The following CNTN3 variants were observed in gnomAD, a reference collection of about 807,000 sequenced individuals.
CNTN3 encodes the protein contactin 3.
CNTN3 carries 60 observed loss-of-function variants against 119.1 expected under a neutral mutation model. The ratio of observed to expected loss-of-function variants is 0.50; its 90% CI spans 0.41 to 0.62. The LOEUF (loss-of-function observed/expected upper bound fraction) is 0.62, where lower values mean the gene tolerates loss of function less well. Among genes scored for constraint, CNTN3 ranks in the 20% least tolerant of loss-of-function variants. The probability of loss-of-function intolerance (pLI) is 0.00; values close to 1 mark genes in which losing one functional copy is unlikely to be tolerated. For missense variants in CNTN3, 1,101 were observed against 1,242.4 expected (o/e 0.89, Z 1.71); for synonymous variants, 450 against 438.7 (o/e 1.03, Z -0.32).
chr3:74,361,935 A>T lies in CNTN3; in HGVS notation c.1319T>A (p.Leu440His), dbSNP rs1369636260. 1.2e-6 allele frequency: 2 copies of T among 1,613,596 alleles called. No homozygotes were observed. The highest frequency in any genetic ancestry group is 2.7e-5 in the African/African-American group (2 of 74,898). ...CACATCCCCCTTCTTCCAGGAAGAG[A>T]GTGCCCTTGGGGAGGCTCTGGGTTT... ...DCKPRASPRALSSWKKGDVSV... is the reference protein window; with the variant it reads ...DCKPRASPRAHSSWKKGDVSV... The change falls in exon 11 of 23, where the codon CTC becomes CAC. Residue 440 changes from leucine (L) to histidine (H), a missense_variant. Transcript: ENST00000263665.
chr3:74,600,344 T>TA (rs1704889521), intron 1 of CNTN3, among the ~76,000 whole-genome samples: 1 of 152,022 alleles, frequency 6.6e-6, no homozygotes. Context: ...TCACAATCAC[T>TA]ACGGAGGAAA....
At position 74,361,834 on chromosome 3, in the gene CNTN3, A is replaced by G. The variant is rs537034528; in HGVS notation, c.1364+56T>C. The stretch of plus-strand genomic sequence containing the variant: ...TTTCATATTTAAAACCTATGTTGAC[A>G]TCAGTATGGAAAGTGAGAGGAAAGT... On this transcript the variant is annotated intron_variant, in intron 11 of 22. Coordinates refer to ENST00000263665, the MANE Select transcript of CNTN3 (RefSeq NM_020872.3). 383 of 1,522,872 alleles carry G rather than the reference A, an allele frequency of 2.5e-4. 2 individuals are homozygous for G. The South Asian group carries it at 3.3e-3, about 13-fold the overall frequency. The allele number at this position is 1,522,872 out of a possible 1,614,324, so 94.3% of individuals were successfully genotyped here.
intron 1 of CNTN3, among the ~76,000 whole-genome samples, chr3:74,591,637 C>A (rs527910914): frequency 6.6e-6 from 1 of 151,766 alleles, no homozygotes; most frequent in African/African-American, 2.4e-5. Flanking sequence ...AAGACTCCAT[C>A]GAGATAAGTG....
intron 4 of CNTN3, among the ~76,000 whole-genome samples, chr3:74,468,299 C>T (rs7430007): frequency 0.55 from 83,584 of 152,004 alleles, 23,329 homozygotes; most frequent in African/African-American, 0.57. Context: ...AGTCTAGATG[C>T]TTCTTACGGC....
chr3:74,519,690 A>G lies in CNTN3; in HGVS notation c.55+1368T>C, dbSNP rs144579062. 5.5e-4 allele frequency among the ~76,000 whole-genome samples: 84 copies of G among 151,884 alleles called. 3 individuals carry two copies. The highest frequency in any genetic ancestry group is 6.8e-3 in the Middle Eastern group (2 of 294). ...ATTTGAAACTTTATAAATGAAGAAA[A>G]GACTCCAAGAATAAAATATTTTACC... On this transcript the variant is annotated intron_variant, in intron 2 of 22. Coordinates refer to ENST00000263665, the MANE Select transcript of CNTN3 (RefSeq NM_020872.3).
intron 20 of CNTN3, among the ~76,000 whole-genome samples, chr3:74,280,205 C>T (rs1441660849): frequency 6.6e-6 from 1 of 152,096 alleles, no homozygotes; most frequent in Non-Finnish European, 1.5e-5. Flanking sequence ...AGCATACCTA[C>T]TTGATTTCCT....
At chr3:74,421,293 C>T (rs929061762) in intron 5 of CNTN3, among the ~76,000 whole-genome samples, 9 of 152,002 alleles carry the variant, frequency 5.9e-5, no homozygotes, top group Admixed American at 2.6e-4. Context: ...CTCAGCCTCC[C>T]GAGTAGCTGG....
intron 8 of CNTN3, among the ~76,000 whole-genome samples, chr3:74,366,175 A>G (rs1704180430): frequency 6.6e-6 from 1 of 152,106 alleles, no homozygotes; most frequent in Non-Finnish European, 1.5e-5. Context: ...AGGAAAAAAT[A>G]TTTTCCACAA....
At chr3:74,449,775 A>C (rs534155921) in intron 4 of CNTN3, among the ~76,000 whole-genome samples, 1 of 152,244 alleles carries the variant, frequency 6.6e-6, no homozygotes, top group African/African-American at 2.4e-5. Context: ...TTTCTATCAA[A>C]TACTCAGAAT....
intron 4 of CNTN3, among the ~76,000 whole-genome samples, chr3:74,448,899 C>T (rs1368986275): frequency 1.3e-5 from 2 of 152,024 alleles, no homozygotes; most frequent in African/African-American, 2.4e-5. Flanking sequence ...AAAAAGTTTG[C>T]CTCTTCTGAT....
intron 20 of CNTN3, among the ~76,000 whole-genome samples, chr3:74,272,174 A>G (rs60095404): frequency 0.052 from 7,894 of 152,272 alleles, 658 homozygotes; most frequent in African/African-American, 0.18. Context: ...ACGATAGCTG[A>G]TGAGCTTTAA....
intron 4 of CNTN3, among the ~76,000 whole-genome samples, chr3:74,444,295 G>A (rs1423559896): frequency 6.6e-6 from 1 of 151,548 alleles, no homozygotes; most frequent in Non-Finnish European, 1.5e-5. Context: ...GGGGGTTGGG[G>A]GCACAATTCA....
intron 5 of CNTN3, among the ~76,000 whole-genome samples, chr3:74,374,376 A>G (rs992465091): frequency 5.5e-4 from 83 of 151,956 alleles, no homozygotes; most frequent in African/African-American, 1.4e-3. Context: ...GGGAATCTCA[A>G]CATGGGGTTT....
At chr3:74,564,296 T>C (rs1559659862) in intron 1 of CNTN3, among the ~76,000 whole-genome samples, 1 of 151,528 alleles carries the variant, frequency 6.6e-6, no homozygotes, top group Non-Finnish European at 1.5e-5. Context: ...GTGGAGGAGG[T>C]TTGGACCAAG....
At chr3:74,358,005 T>A (rs762278559) in intron 11 of CNTN3, among the ~76,000 whole-genome samples, 6 of 152,204 alleles carry the variant, frequency 3.9e-5, no homozygotes, top group Non-Finnish European at 5.9e-5. Flanking sequence ...GGGATGGATA[T>A]GGGGCTTTCG....
intron 1 of CNTN3, among the ~76,000 whole-genome samples, chr3:74,549,083 G>A (rs1274096742): frequency 6.6e-6 from 1 of 152,170 alleles, no homozygotes; most frequent in Non-Finnish European, 1.5e-5. Context: ...ATCTCATGTT[G>A]AATTGTGATC....
At chr3:74,403,337 A>G (rs1705245037) in intron 5 of CNTN3, among the ~76,000 whole-genome samples, 1 of 152,190 alleles carries the variant, frequency 6.6e-6, no homozygotes, top group African/African-American at 2.4e-5. Context: ...TGTGATATTT[A>G]CATTCCGAAG....
In CNTN3 at chr3:74,521,060, C is replaced by A; in HGVS notation, c.53G>T (p.Gly18Val). Residue 18 changes from glycine (G) to valine (V), a missense_variant and splice_region_variant, in exon 2 of 23, where the codon GGA becomes GTA. Transcript: ENST00000263665. ...GAAAATATAGGATTTTTTTTTACCTCCTAAGCAGCCAATGAATGAAAGCAG... is the reference window on the plus strand; with the variant it reads ...GAAAATATAGGATTTTTTTTTACCTACTAAGCAGCCAATGAATGAAAGCAG... ...LILLSFIGCLGGELLLQGPVF... is the reference protein window; with the variant it reads ...LILLSFIGCLVGELLLQGPVF... 1 of 1,588,456 alleles carries A rather than the reference C, an allele frequency of 6.3e-7. No individual in the cohort carries two copies. The highest frequency in any genetic ancestry group is 2.3e-5 in the East Asian group (1 of 43,464).
chr3:74,302,578 A>G, intron 14 of CNTN3, 112 bp downstream of exon 14: 1 of 670,594 alleles, frequency 1.5e-6, no homozygotes, highest in Non-Finnish European at 2.7e-6. Flanking sequence ...GGGGGGATGA[A>G]ATCAATATTA....
Sources: gnomAD v4.1 joint callset for allele counts (sites outside exome capture counted in the v4.1 genomes callset) on GRCh38, gnomAD v4.1.1 for gene constraint, MANE v1.5 for transcripts, NCBI Gene and HGNC (gene_info 2026-07-23, HGNC 2026-07-21) for gene names.